Variants in BEND2 observed in about 807,000 individuals in gnomAD.
BEND2 encodes the protein BEN domain containing 2, also known as BEN domain-containing protein 2.
A neutral mutation model predicts 43.8 loss-of-function variants in BEND2; 19 were observed. The ratio of observed to expected loss-of-function variants is 0.43; its 90% CI spans 0.30 to 0.64. The LOEUF is 0.64. Among genes scored for constraint, BEND2 ranks in the 30% least tolerant of loss-of-function variants. BEND2 has a pLI of 0.11. For synonymous variants in BEND2, 226 were observed against 210.1 expected, an observed-to-expected ratio of 1.08 and a Z score of -0.66; for missense variants, 544 against 574.0, an observed-to-expected ratio of 0.95 and a Z score of 0.53.
chrX:18,201,410 A>C (rs1246042291), intron 6 of BEND2, among the ~76,000 whole-genome samples: 25 of 97,037 alleles, frequency 2.6e-4, no homozygotes, highest in South Asian at 4.5e-4. Context: ...AAAAAAAAAA[A>C]AAAAAAACAA....
At position 18,191,092 on chromosome X, in the gene BEND2, C is replaced by T. The variant is rs755496123; in HGVS notation, c.1197G>A (p.Met399Ile). The T allele has an allele frequency of 8.3e-6, 10 of 1,199,909 alleles. No homozygotes were observed. The highest frequency in any genetic ancestry group is 1.0e-5 in the Non-Finnish European group (9 of 888,978). The change falls in exon 8 of 14, where the codon ATG becomes ATA. Residue 399 changes from methionine to isoleucine, a missense_variant. By Grantham distance (10) the Met-to-Ile change is conservative (BLOSUM62 1). Coordinates refer to ENST00000380033, the MANE Select transcript of BEND2 (RefSeq NM_153346.5). Reference protein sequence around the residue: ...ITSNFESGPQMSYGTMSYSTE... With the variant: ...ITSNFESGPQISYGTMSYSTE... ...TTGAGTAACTCATTGTCCCATAACT[C>T]ATTTGTGGGCCAGATTCTGTTTTGA...
chrX:18,185,208 C>T (rs1410513776), intron 8 of BEND2, among the ~76,000 whole-genome samples: 2 of 109,489 alleles, frequency 1.8e-5, no homozygotes, highest in Admixed American at 2.0e-4. Flanking sequence ...AAGAGGACAT[C>T]GAGAGAAAGA....
chrX:18,175,650 T>A (rs1207847174), intron 11 of BEND2, among the ~76,000 whole-genome samples: 2 of 112,278 alleles, frequency 1.8e-5, no homozygotes, highest in African/African-American at 6.5e-5. Flanking sequence ...GGCTCCTTTT[T>A]GTGTTGCTCG....
intron 6 of BEND2, among the ~76,000 whole-genome samples, chrX:18,196,013 A>G (rs759506629): frequency 2.8e-4 from 31 of 111,371 alleles, no homozygotes; most frequent in Non-Finnish European, 5.1e-4. Context: ...AAAGACCACA[A>G]TATAGGCCGG....
rs748168983 is a variant in BEND2, at chrX:18,198,276, TGG to T, written c.1034-2836_1034-2835del. Among the ~76,000 whole-genome samples, 307 of 109,642 alleles carry T rather than the reference TGG, an allele frequency of 2.8e-3. 2 individuals are homozygous for T. Among genetic ancestry groups the T allele is most frequent in the African/African-American group, 9.5e-3 (285 of 30,104 alleles). On this transcript the variant is annotated intron_variant, in intron 6 of 13. Transcript: ENST00000380033. ...CAGAGTGAACAGGCAACCTACAGAA[TGG>T]GAGAAAATTTTCGCAACCTACTCAT...
intron 8 of BEND2, among the ~76,000 whole-genome samples, chrX:18,184,770 A>G (rs1924513281): frequency 9.0e-6 from 1 of 111,207 alleles, no homozygotes; most frequent in Non-Finnish European, 1.9e-5. Flanking sequence ...AACATCCACA[A>G]GCATCAACTC....
At position 18,195,345 on chromosome X, in the gene BEND2, C is replaced by T. The variant is rs756915348; in HGVS notation, c.1131G>A (p.Thr377=). The T allele has an allele frequency of 2.7e-5, 33 of 1,206,238 alleles. 1 individual carries two copies. In the Middle Eastern group the frequency reaches 1.1e-3, roughly 42 times the overall value. The change falls in exon 7 of 14, where the codon ACG becomes ACA. Residue 377 remains threonine, a synonymous_variant. Coordinates refer to ENST00000380033, the MANE Select transcript of BEND2 (RefSeq NM_153346.5). ...ATGAAGAGGCTGGATATGGGGCACT[C>T]GTATTTCCCGATAAAGCTGGGTAAT... The part of the protein sequence containing the change: ...TVYYPALSGN[T]SAPYPASSYL...
At chrX:18,175,512 T>C (rs1924116134) in intron 11 of BEND2, among the ~76,000 whole-genome samples, 1 of 112,138 alleles carries the variant, frequency 8.9e-6, no homozygotes, top group Non-Finnish European at 1.9e-5. Context: ...TCTGTAATCG[T>C]TTAACGTCAT....
At chrX:18,194,102 G>C (rs1924863436) in intron 7 of BEND2, among the ~76,000 whole-genome samples, 1 of 111,727 alleles carries the variant, frequency 9.0e-6, no homozygotes, top group African/African-American at 3.3e-5. Context: ...TGGAGTATCA[G>C]GAAGGAAGAA....
intron 1 of BEND2, among the ~76,000 whole-genome samples, chrX:18,217,026 G>T (rs190369063): frequency 8.9e-6 from 1 of 112,485 alleles, no homozygotes; most frequent in Non-Finnish European, 1.9e-5. Flanking sequence ...TGGCCAGCTG[G>T]CCCATGCCAC....
chrX:18,203,470 C>T lies in BEND2; in HGVS notation c.907+31G>A, dbSNP rs754853023. On this transcript the variant is annotated intron_variant, in intron 5 of 13. Transcript: ENST00000380033. Reference sequence around the variant, plus strand: ...GTTTTAAAATCTAGATTGAAGAATGCTATCTGTAATATGTGTCATTTCAAA... The same window carrying T: ...GTTTTAAAATCTAGATTGAAGAATGTTATCTGTAATATGTGTCATTTCAAA... The T allele has an allele frequency of 3.3e-5, 38 of 1,157,184 alleles. No individual in the cohort carries two copies. In the Middle Eastern group the frequency reaches 4.1e-3, roughly 125 times the overall value.
intron 7 of BEND2, 124 bp downstream of exon 7, chrX:18,195,172 A>T (rs1924895965): frequency 1.2e-6 from 1 of 855,819 alleles, no homozygotes. Flanking sequence ...CCTGTGTATG[A>T]TTTCTGAACT....
intron 10 of BEND2, 69 bp downstream of exon 10, chrX:18,177,500 A>G: frequency 9.5e-7 from 1 of 1,052,316 alleles, no homozygotes; most frequent in South Asian, 1.9e-5. Context: ...TTCAACTGCC[A>G]ATAACATTCA....
chrX:18,201,952 A>C lies in BEND2; in HGVS notation c.908-12T>G. ...TCTTTCTGGCATTTCTGTAAATAAA[A>C]AGTTTTCAAGAGCTGTAATACAAGA... On this transcript the variant is annotated splice_polypyrimidine_tract_variant and intron_variant, in intron 5 of 13. Coordinates refer to ENST00000380033, the MANE Select transcript of BEND2 (RefSeq NM_153346.5). 3 of 1,203,682 alleles carry C rather than the reference A, an allele frequency of 2.5e-6. No individual in the cohort carries two copies. The highest frequency in any genetic ancestry group is 3.4e-6 in the Non-Finnish European group (3 of 891,257).
At position 18,179,844 on chromosome X, in the gene BEND2, C is replaced by T. The variant is rs763454477; in HGVS notation, c.1429+666G>A. On this transcript the variant is annotated intron_variant, in intron 9 of 13. Coordinates refer to ENST00000380033, the MANE Select transcript of BEND2 (RefSeq NM_153346.5). The stretch of plus-strand genomic sequence containing the variant: ...GAGCTTGGGGTCCCCTCATCTCTGC[C>T]ACTGTGGCTTGGCAGGCAGTACAGT... Among the ~76,000 whole-genome samples the T allele has an allele frequency of 1.2e-4, 14 of 112,515 alleles. No homozygotes were observed. The Admixed American group carries it at 1.3e-3, about 11-fold the overall frequency.
intron 8 of BEND2, among the ~76,000 whole-genome samples, chrX:18,189,845 G>A (rs1016209140): frequency 2.7e-5 from 3 of 110,371 alleles, no homozygotes; most frequent in African/African-American, 6.6e-5. Context: ...TCAGGAGATC[G>A]AGACCATCCT....
chrX:18,218,286 G>A (rs1925736317), intron 1 of BEND2, among the ~76,000 whole-genome samples: 1 of 111,654 alleles, frequency 9.0e-6, no homozygotes, highest in African/African-American at 3.3e-5. Flanking sequence ...TGGTTATCTA[G>A]GTGGCTATTA....
intron 13 of BEND2, 87 bp from the exon 14 acceptor site, chrX:18,165,310 G>A (rs1923794710): frequency 1.4e-6 from 1 of 727,359 alleles, no homozygotes; most frequent in Admixed American, 2.4e-5. Context: ...CTACTACTGC[G>A]ACTGTGAAAG....
intron 4 of BEND2, among the ~76,000 whole-genome samples, chrX:18,208,254 G>A (rs1240463431): frequency 3.6e-5 from 4 of 110,631 alleles, no homozygotes; most frequent in African/African-American, 6.6e-5. Flanking sequence ...TTGGGAGGCC[G>A]GGGCGGGTGG....
Sources: gnomAD v4.1 joint callset for allele counts (sites outside exome capture counted in the v4.1 genomes callset) on GRCh38, gnomAD v4.1.1 for gene constraint, MANE v1.5 for transcripts, NCBI Gene and HGNC (gene_info 2026-07-23, HGNC 2026-07-21) for gene names.